SCN2A: variants seen among roughly 807,000 people sequenced by gnomAD.
SCN2A encodes sodium channel protein type 2 subunit alpha.
A neutral mutation model predicts 188.7 loss-of-function variants in SCN2A; 20 were observed. That is an observed-to-expected ratio of 0.11 (90% CI 0.07 to 0.15). The LOEUF (loss-of-function observed/expected upper bound fraction) is 0.15, where lower values mean the gene tolerates loss of function less well. SCN2A is among the 10% of genes least tolerant of loss of function. SCN2A has a pLI of 1.00. For synonymous variants in SCN2A, 804 were observed against 833.1 expected, an observed-to-expected ratio of 0.97 and a Z score of 0.60; for missense variants, 1,278 against 2,445.0, an observed-to-expected ratio of 0.52 and a Z score of 10.07.
intron 1 of SCN2A, among the ~76,000 whole-genome samples, chr2:165,242,329 A>G (rs979172697): frequency 2.0e-5 from 3 of 152,148 alleles, no homozygotes; most frequent in Admixed American, 6.5e-5. Context: ...GTAGAAAACT[A>G]TTATTAAATT....
chr2:165,387,083 A>C, intron 26 of SCN2A, 67 bp downstream of exon 26: 1 of 1,500,540 alleles, frequency 6.7e-7, no homozygotes, highest in Non-Finnish European at 9.2e-7. Context: ...AAAACTTTAG[A>C]GGTGTTTTTC....
intron 1 of SCN2A, chr2:165,293,785 T>C: frequency 1.0e-6 from 1 of 960,798 alleles, no homozygotes; most frequent in Non-Finnish European, 1.2e-6. Context: ...AATGTTTCGT[T>C]CCAAGAAAAG....
chr2:165,256,330 C>G (rs188669743), intron 1 of SCN2A, among the ~76,000 whole-genome samples: 3 of 152,152 alleles, frequency 2.0e-5, no homozygotes, highest in African/African-American at 7.2e-5. Context: ...AAATACTATT[C>G]CATAATCCTG....
At chr2:165,379,952 C>T (rs952516683) in intron 23 of SCN2A, among the ~76,000 whole-genome samples, 4 of 151,790 alleles carry the variant, frequency 2.6e-5, no homozygotes, top group Admixed American at 1.3e-4. Flanking sequence ...GTTACAGAAA[C>T]AGTCCCTACT....
At chr2:165,252,398 T>C (rs553592524) in intron 1 of SCN2A, among the ~76,000 whole-genome samples, 2 of 152,196 alleles carry the variant, frequency 1.3e-5, no homozygotes, top group South Asian at 4.1e-4. Flanking sequence ...ATCAAGTATA[T>C]ATCATTTAAA....
intron 1 of SCN2A, among the ~76,000 whole-genome samples, chr2:165,260,078 G>T (rs999593254): frequency 6.6e-6 from 1 of 151,588 alleles, no homozygotes; most frequent in Non-Finnish European, 1.5e-5. Flanking sequence ...CGAGTAGCTG[G>T]GACTACAGGC....
rs750819988 is a variant in SCN2A, at chr2:165,389,588, G to A, written c.5782G>A (p.Val1928Ile). The change falls in exon 27 of 27, where the codon GTA becomes ATA. Residue 1928 changes from valine to isoleucine, a missense_variant. Coordinates refer to ENST00000375437, the MANE Select transcript of SCN2A (RefSeq NM_001040142.2). The surrounding 1 kb of genome is among the most constrained non-coding windows in gnomAD (Gnocchi z 4.2). The stretch of plus-strand genomic sequence containing the variant: ...CCTCTTGAAGCAAAAAGTTAAAAAG[G>A]TATCAAGTATATACAAGAAAGACAA... The part of the protein sequence containing the change: ...RYLLKQKVKK[V>I]SSIYKKDKGK... 1 of 1,613,880 alleles carries A rather than the reference G, an allele frequency of 6.2e-7. No homozygotes were observed. The highest frequency in any genetic ancestry group is 8.5e-7 in the Non-Finnish European group (1 of 1,179,932).
chr2:165,290,763 A>G (rs1696059054), intron 1 of SCN2A: 2 of 985,268 alleles, frequency 2.0e-6, no homozygotes, highest in Non-Finnish European at 2.4e-6. Context: ...CAGTAGGACA[A>G]CTTACTATGG....
chr2:165,258,521 G>C (rs1694429433), intron 1 of SCN2A, among the ~76,000 whole-genome samples: 1 of 152,184 alleles, frequency 6.6e-6, no homozygotes. Flanking sequence ...GGAAAACAGT[G>C]TGGTGATTCC....
chr2:165,340,489 T>C (rs1699252223), intron 14 of SCN2A, among the ~76,000 whole-genome samples: 1 of 152,176 alleles, frequency 6.6e-6, no homozygotes, highest in South Asian at 2.1e-4. Context: ...GAAAAAGCAG[T>C]AAGATGAATT....
intron 1 of SCN2A, among the ~76,000 whole-genome samples, chr2:165,246,761 C>T (rs976322196): frequency 1.3e-5 from 2 of 152,142 alleles, no homozygotes; most frequent in Non-Finnish European, 2.9e-5. Flanking sequence ...TGCAGCTGGA[C>T]GCATGCAAAA....
At chr2:165,381,979 G>A (rs937156804) in intron 25 of SCN2A, among the ~76,000 whole-genome samples, 15 of 152,094 alleles carry the variant, frequency 9.9e-5, no homozygotes, top group Admixed American at 7.9e-4. Context: ...AAAACAGACC[G>A]TAATTAAGTG....
chr2:165,323,265 C>T lies in SCN2A; in HGVS notation c.1781C>T (p.Ala594Val). ...GACATTGGCTCTGAGAATGACTTTG[C>T]TGATGATGAGCACAGCACCTTTGAG... is the stretch of plus-strand genomic sequence containing the variant. ...AKDIGSENDF[A>V]DDEHSTFEDN... Residue 594 changes from alanine (A) to valine (V), a missense_variant, in exon 12 of 27, where the codon GCT becomes GTT. By Grantham distance (64) the Ala-to-Val change is moderately conservative (BLOSUM62 0). Transcript: ENST00000375437. The T allele has an allele frequency of 6.2e-7, 1 of 1,614,170 alleles. No individual in the cohort carries two copies. The highest frequency in any genetic ancestry group is 8.5e-7 in the Non-Finnish European group (1 of 1,180,044).
chr2:165,313,677 C>T lies in SCN2A; in HGVS notation c.1092C>T (p.Tyr364=). The change falls in exon 9 of 27, where the codon TAC becomes TAT. Residue 364 remains tyrosine (Y), a synonymous_variant. Transcript: ENST00000375437. The part of the protein sequence containing the change: ...VKAGRNPNYG[Y]TSFDTFSWAF... The stretch of plus-strand genomic sequence containing the variant: ...CTGGTAGAAACCCCAACTATGGCTA[C>T]ACGAGCTTTGACACCTTTAGTTGGG... 1 of 1,613,616 alleles carries T rather than the reference C, an allele frequency of 6.2e-7. No homozygotes were observed. Among genetic ancestry groups the T allele is most frequent in the Non-Finnish European group, 8.5e-7 (1 of 1,179,594 alleles).
Position 165,308,687 on chromosome 2 carries a change from T to C in SCN2A, c.498T>C (p.Tyr166=), listed in dbSNP as rs1697267017. ...KNVEYTFTGI[Y]TFESLIKILA... The stretch of plus-strand genomic sequence containing the variant: ...TCAGGTATACCTTTACAGGAATTTA[T>C]ACTTTTGAATCACTTATTAAAATAC... Residue 166 remains tyrosine, a synonymous_variant, in exon 5 of 27, where the codon TAT becomes TAC. Transcript: ENST00000375437. 6.2e-7 allele frequency: 1 copy of C among 1,612,190 alleles called. No homozygotes were observed. The highest frequency in any genetic ancestry group is 8.5e-7 in the Non-Finnish European group (1 of 1,178,572).
intron 17 of SCN2A, among the ~76,000 whole-genome samples, chr2:165,356,799 G>A (rs1382087279): frequency 6.6e-6 from 1 of 152,180 alleles, no homozygotes; most frequent in Non-Finnish European, 1.5e-5. Context: ...TGAAGTAAGA[G>A]GGAAGTCCAG....
chr2:165,252,779 G>A (rs1353597477), intron 1 of SCN2A, among the ~76,000 whole-genome samples: 1 of 151,924 alleles, frequency 6.6e-6, no homozygotes, highest in Non-Finnish European at 1.5e-5. Context: ...GGGGAGAAGA[G>A]GGATTTAAGG....
rs140661535 is a variant in SCN2A at position 165,315,571 on chromosome 2, C to A, written c.1484C>A (p.Ser495Tyr). ...TCTTCAGTAGCATCTAAGTTGAGCT[C>A]CAAAAGTGAAAAAGAGCTGAAAAAC... ...ESSSVASKLS[S>Y]KSEKELKNRR... Residue 495 changes from serine to tyrosine, a missense_variant, in exon 11 of 27, where the codon TCC (serine) becomes TAC (tyrosine). Around this residue, in one of 17 missense-constraint regions of SCN2A, gnomAD observed 315 missense variants for 386.6 expected, o/e 0.81. Coordinates refer to ENST00000375437, the MANE Select transcript of SCN2A (RefSeq NM_001040142.2). 2 of 1,613,196 alleles carry A rather than the reference C, an allele frequency of 1.2e-6. No homozygotes were observed. Among genetic ancestry groups the A allele is most frequent in the Non-Finnish European group, 1.7e-6 (2 of 1,179,806 alleles).
chr2:165,335,091 G>A (rs1489605211), intron 14 of SCN2A, among the ~76,000 whole-genome samples: 2 of 151,546 alleles, frequency 1.3e-5, no homozygotes, highest in Non-Finnish European at 3.0e-5. Flanking sequence ...ATAAAATATT[G>A]TTGAAAGAAA....
Sources: gnomAD v4.1 joint callset for allele counts (sites outside exome capture counted in the v4.1 genomes callset) on GRCh38, gnomAD v4.1.1 for gene constraint, gnomAD v4.1.1 regional missense constraint, Gnocchi (gnomAD v3.1) non-coding constraint, MANE v1.5 for transcripts, NCBI Gene and HGNC (gene_info 2026-07-23, HGNC 2026-07-21) for gene names.